RIN2: variants seen among roughly 807,000 people sequenced by gnomAD.
RIN2 encodes the protein RAB5 interacting protein 2.
A neutral mutation model predicts 78.0 loss-of-function variants in RIN2; 36 were observed. The observed-to-expected ratio is 0.46, with a 90% CI of 0.35 to 0.61. The LOEUF (loss-of-function observed/expected upper bound fraction) is 0.61. Ranked by LOEUF, RIN2 falls within the 20% of genes least tolerant of loss-of-function variation. The pLI is 0.00. For synonymous variants in RIN2, 466 were observed against 466.8 expected, an observed-to-expected ratio of 1.00 and a Z score of 0.02; for missense variants, 1,087 against 1,159.7, an observed-to-expected ratio of 0.94 and a Z score of 0.91.
At chr20:19,781,088 T>A (rs1381765793) in intron 1 of RIN2, among the ~76,000 whole-genome samples, 1 of 152,192 alleles carries the variant, frequency 6.6e-6, no homozygotes, top group East Asian at 1.9e-4. Context: ...TATCATGTCA[T>A]CTGGAACATA....
At chr20:19,947,022 T>TAAA (rs35136029) in intron 4 of RIN2, among the ~76,000 whole-genome samples, 7,255 of 115,938 alleles carry the variant, frequency 0.063, 232 homozygotes, top group East Asian at 0.1. Flanking sequence ...CAGACTGTCT[T>TAAA]AAAAAAAAAA....
chr20:19,872,843 T>G (rs1473001625), intron 2 of RIN2, among the ~76,000 whole-genome samples: 1 of 152,178 alleles, frequency 6.6e-6, no homozygotes, highest in South Asian at 2.1e-4. Context: ...TACCCATTGA[T>G]TATGATGCTC....
rs1260442344 is a variant in RIN2, at chr20:19,799,602, G to A, written c.-162-20G>A. ...TTAATATACATACAAAACCCTGAAT[G>A]GTCAATTTTTGTGTTGTAGATGGAG... On this transcript the variant is annotated intron_variant, in intron 1 of 12. Coordinates refer to ENST00000255006, the MANE Select transcript of RIN2 (RefSeq NM_018993.4). 4 of 152,130 alleles carry A rather than the reference G, an allele frequency of 2.6e-5. No homozygotes were observed. The highest frequency in any genetic ancestry group is 5.9e-5 in the Non-Finnish European group (4 of 68,030). The allele number at this position is 152,130 out of a possible 1,614,324, so 9.4% of individuals were successfully genotyped here. A position where few individuals can be genotyped will look rare whatever the true frequency, so the allele number is the denominator to read the frequency against.
chr20:19,805,684 G>A (rs1182544723), intron 2 of RIN2, among the ~76,000 whole-genome samples: 2 of 152,030 alleles, frequency 1.3e-5, no homozygotes, highest in Non-Finnish European at 2.9e-5. Flanking sequence ...TTACAGGCAT[G>A]AGCCACTGCG....
intron 4 of RIN2, chr20:19,935,625 G>A: frequency 1.0e-6 from 1 of 990,560 alleles, no homozygotes; most frequent in Non-Finnish European, 1.2e-6. Context: ...AAAAACCCCA[G>A]CAGTCTCCAA....
At chr20:19,907,324 T>C (rs2039263608) in intron 3 of RIN2, among the ~76,000 whole-genome samples, 1 of 152,168 alleles carries the variant, frequency 6.6e-6, no homozygotes, top group African/African-American at 2.4e-5. Context: ...CATATGAACT[T>C]TGAGGACACA....
At chr20:19,783,010 A>G (rs1042764369) in intron 1 of RIN2, among the ~76,000 whole-genome samples, 3 of 152,162 alleles carry the variant, frequency 2.0e-5, no homozygotes, top group African/African-American at 7.2e-5. Flanking sequence ...CTCTCTTAAT[A>G]TGTGACCCCA....
intron 3 of RIN2, among the ~76,000 whole-genome samples, chr20:19,900,875 G>A (rs1398555312): frequency 4.1e-5 from 6 of 146,378 alleles, no homozygotes; most frequent in South Asian, 4.4e-4. Context: ...GCTTGAACCC[G>A]GGAGGCGGAG....
chr20:19,878,590 T>C (rs1044726991), intron 2 of RIN2, among the ~76,000 whole-genome samples: 3 of 152,126 alleles, frequency 2.0e-5, no homozygotes, highest in African/African-American at 7.2e-5. Context: ...TTTGTTCTCT[T>C]GATGTATAAT....
chr20:19,788,433 A>AAAAAAAAAAAAAAAACAAAC (rs1181957268), intron 1 of RIN2, among the ~76,000 whole-genome samples: 6 of 124,542 alleles, frequency 4.8e-5, no homozygotes, highest in African/African-American at 1.9e-4. Context: ...TGTCTCTGCC[A>AAAAAAAAAAAAAAAACAAAC]AAAAAAAAAA....
At chr20:19,775,755 T>G in intron 1 of RIN2, among the ~76,000 whole-genome samples, 1 of 152,222 alleles carries the variant, frequency 6.6e-6, no homozygotes, top group East Asian at 1.9e-4. Context: ...TCCAAACTCC[T>G]AAGTGCCAAG....
At chr20:19,789,276 T>C (rs1401750948) in intron 1 of RIN2, among the ~76,000 whole-genome samples, 1 of 152,234 alleles carries the variant, frequency 6.6e-6, no homozygotes, top group Non-Finnish European at 1.5e-5. Context: ...TTATGATGGA[T>C]CATAGGCTTA....
intron 3 of RIN2, among the ~76,000 whole-genome samples, chr20:19,891,958 GA>G (rs1214648025): frequency 6.6e-6 from 1 of 152,228 alleles, no homozygotes; most frequent in Admixed American, 6.5e-5. Context: ...GCAGTTCTAA[GA>G]AAATCATATT....
At chr20:19,985,956 CT>C (rs2042608474) in intron 9 of RIN2, among the ~76,000 whole-genome samples, 1 of 152,132 alleles carries the variant, frequency 6.6e-6, no homozygotes, top group African/African-American at 2.4e-5. Flanking sequence ...GTAGGCCTCC[CT>C]GGATGGAGTT....
intron 2 of RIN2, among the ~76,000 whole-genome samples, chr20:19,876,836 G>A (rs2037870687): frequency 6.6e-6 from 1 of 151,642 alleles, no homozygotes; most frequent in Non-Finnish European, 1.5e-5. Flanking sequence ...ACCCAGCGGG[G>A]CGGAGGTTGC....
intron 1 of RIN2, among the ~76,000 whole-genome samples, chr20:19,781,299 G>A (rs1384885479): frequency 6.6e-6 from 1 of 152,220 alleles, no homozygotes; most frequent in Non-Finnish European, 1.5e-5. Flanking sequence ...GTGACTACAT[G>A]TTGTAAGGAG....
At chr20:19,820,874 C>A (rs1429413738) in intron 2 of RIN2, among the ~76,000 whole-genome samples, 1 of 152,230 alleles carries the variant, frequency 6.6e-6, no homozygotes, top group Non-Finnish European at 1.5e-5. Context: ...ACCTAATTTA[C>A]AGCATTTGCT....
At chr20:19,793,468 G>A (rs1202482947) in intron 1 of RIN2, among the ~76,000 whole-genome samples, 3 of 152,092 alleles carry the variant, frequency 2.0e-5, no homozygotes, top group Admixed American at 1.3e-4. Flanking sequence ...ACCCCAGAGA[G>A]GGAGATGGCA....
At chr20:19,964,861 C>A in intron 6 of RIN2, 91 bp from the exon 7 acceptor site, 1 of 1,077,468 alleles carries the variant, frequency 9.3e-7, no homozygotes, top group South Asian at 1.3e-5. Flanking sequence ...TGAGAGTACT[C>A]AGATGGTCCC....
Sources: gnomAD v4.1 joint callset for allele counts (sites outside exome capture counted in the v4.1 genomes callset) on GRCh38, gnomAD v4.1.1 for gene constraint, MANE v1.5 for transcripts, NCBI Gene and HGNC (gene_info 2026-07-23, HGNC 2026-07-21) for gene names.